GSG1L: variants seen among roughly 807,000 people sequenced by gnomAD.
GSG1L encodes GSG1 like, also known as germ cell-specific gene 1-like protein.
In GSG1L, 24 loss-of-function variants were observed where a neutral mutation model predicts 42.1. The observed-to-expected ratio is 0.57, with a 90% CI of 0.41 to 0.80. The LOEUF (loss-of-function observed/expected upper bound fraction) is 0.80. GSG1L is among the 30% of genes least tolerant of loss of function. The probability of loss-of-function intolerance (pLI) is 0.00; values close to 1 mark genes in which losing one functional copy is unlikely to be tolerated. For synonymous variants in GSG1L, 215 were observed against 203.5 expected, an observed-to-expected ratio of 1.06 and a Z score of -0.48; for missense variants, 445 against 472.2, an observed-to-expected ratio of 0.94 and a Z score of 0.53.
At chr16:27,991,008 G>C (rs954516435) in intron 1 of GSG1L, among the ~76,000 whole-genome samples, 2 of 152,182 alleles carry the variant, frequency 1.3e-5, no homozygotes, top group African/African-American at 4.8e-5. Context: ...CGCTAGTCTT[G>C]CTCCACCTTA....
At chr16:28,037,178 G>A (rs938876968) in intron 1 of GSG1L, among the ~76,000 whole-genome samples, 7 of 152,206 alleles carry the variant, frequency 4.6e-5, no homozygotes, top group East Asian at 1.9e-4. Context: ...GGCATGTGCC[G>A]CCATGCCTGG....
chr16:27,851,207 T>C (rs1268457797), intron 3 of GSG1L, among the ~76,000 whole-genome samples: 5 of 152,144 alleles, frequency 3.3e-5, no homozygotes, highest in Admixed American at 3.3e-4. Flanking sequence ...GTTTGTTTTT[T>C]GTTTTTTAAG....
intron 1 of GSG1L, among the ~76,000 whole-genome samples, chr16:28,033,988 A>G (rs2085998152): frequency 1.3e-5 from 2 of 152,308 alleles, no homozygotes; most frequent in South Asian, 2.1e-4. Context: ...ATCTCAGCCC[A>G]TCTTAGAGAT....
At chr16:28,037,024 T>C (rs2086047031) in intron 1 of GSG1L, among the ~76,000 whole-genome samples, 1 of 152,146 alleles carries the variant, frequency 6.6e-6, no homozygotes, top group Admixed American at 6.5e-5. Context: ...GTTGTTGTTG[T>C]TTTGGTTTTG....
intron 6 of GSG1L, among the ~76,000 whole-genome samples, chr16:27,798,647 C>T (rs1173805305): frequency 3.9e-5 from 6 of 152,126 alleles, no homozygotes. Context: ...CCCATGCACC[C>T]CAAGGGTTTC....
At chr16:27,968,605 G>A (rs964382583) in intron 1 of GSG1L, among the ~76,000 whole-genome samples, 2 of 151,872 alleles carry the variant, frequency 1.3e-5, no homozygotes, top group Non-Finnish European at 2.9e-5. Flanking sequence ...CATTTTCACA[G>A]GCCCAAGACC....
intron 2 of GSG1L, among the ~76,000 whole-genome samples, chr16:27,947,243 C>T (rs1359805652): frequency 6.6e-6 from 1 of 152,140 alleles, no homozygotes; most frequent in Admixed American, 6.6e-5. Flanking sequence ...CCTCCTGCCT[C>T]AGCCTCCCGA....
At chr16:27,907,392 G>A (rs2084332320) in intron 2 of GSG1L, among the ~76,000 whole-genome samples, 1 of 152,202 alleles carries the variant, frequency 6.6e-6, no homozygotes, top group Non-Finnish European at 1.5e-5. Flanking sequence ...TTTGAAATGA[G>A]TTTTCTTTCT....
chr16:27,895,856 C>T (rs756010986), intron 2 of GSG1L, among the ~76,000 whole-genome samples: 13 of 152,334 alleles, frequency 8.5e-5, no homozygotes, highest in Non-Finnish European at 1.9e-4. Flanking sequence ...GGTAGGGCAA[C>T]AGAGCACGTG....
At position 27,903,019 on chromosome 16, in the gene GSG1L, G is replaced by A. The variant is rs573396204; in HGVS notation, c.398-18381C>T. Among the ~76,000 whole-genome samples the A allele has an allele frequency of 5.3e-5, 8 of 152,236 alleles. No homozygotes were observed. In the East Asian group the frequency reaches 1.5e-3, roughly 29 times the overall value. Reference sequence around the variant, plus strand: ...AAGCAGTGGCGGCCAGGCGAGCCGAGTGACCAGAGGCTGCAGGGATCCAGA... The same window carrying A: ...AAGCAGTGGCGGCCAGGCGAGCCGAATGACCAGAGGCTGCAGGGATCCAGA... On this transcript the variant is annotated intron_variant, in intron 2 of 6. Transcript: ENST00000447459.
At chr16:27,927,020 C>T (rs1010724934) in intron 2 of GSG1L, among the ~76,000 whole-genome samples, 5 of 152,178 alleles carry the variant, frequency 3.3e-5, no homozygotes, top group Non-Finnish European at 5.9e-5. Flanking sequence ...TGGCCTCCCT[C>T]GACAACCCTC....
intron 4 of GSG1L, among the ~76,000 whole-genome samples, chr16:27,835,059 G>C (rs957577622): frequency 2.0e-5 from 3 of 151,946 alleles, no homozygotes; most frequent in Non-Finnish European, 2.9e-5. Flanking sequence ...TATATCCTTG[G>C]TGATTTTCCA....
At chr16:28,018,866 A>G (rs1428397896) in intron 1 of GSG1L, among the ~76,000 whole-genome samples, 1 of 152,076 alleles carries the variant, frequency 6.6e-6, no homozygotes, top group African/African-American at 2.4e-5. Context: ...ATTGCCTTTG[A>G]TCCCCAAGCC....
chr16:27,925,430 C>A (rs2084579898), intron 2 of GSG1L, among the ~76,000 whole-genome samples: 2 of 151,956 alleles, frequency 1.3e-5, no homozygotes, highest in African/African-American at 4.8e-5. Flanking sequence ...AGGTTGAGGA[C>A]AAATTGGGAG....
chr16:27,973,695 G>A (rs2085219875), intron 1 of GSG1L, among the ~76,000 whole-genome samples: 1 of 152,116 alleles, frequency 6.6e-6, no homozygotes, highest in Non-Finnish European at 1.5e-5. Flanking sequence ...CACTGCACGT[G>A]TAACATCAAT....
Position 27,791,007 on chromosome 16 carries a change from G to GCT in GSG1L, c.*361_*362dup, listed in dbSNP as rs2082744870. 1 of 196,176 alleles carries GCT rather than the reference G, an allele frequency of 5.1e-6. No individual in the cohort carries two copies. The highest frequency in any genetic ancestry group is 2.3e-5 in the African/African-American group (1 of 43,378). 12.2% of individuals were successfully genotyped at this position (196,176 alleles called of 1,614,324 possible). On this transcript the variant is annotated 3_prime_UTR_variant, in exon 7 of 7. Coordinates refer to ENST00000447459, the MANE Select transcript of GSG1L (RefSeq NM_001109763.2). ...GAAGCCACTCTCTGCCCCCCAAAGG[G>GCT]CTCTGCCCCTCTGGGCACCTGACTG...
At chr16:27,890,489 C>T (rs551842454) in intron 2 of GSG1L, among the ~76,000 whole-genome samples, 9 of 152,264 alleles carry the variant, frequency 5.9e-5, no homozygotes, top group African/African-American at 1.4e-4. Flanking sequence ...CAAAAGATGA[C>T]GGTGGCCTGG....
At chr16:27,995,619 C>A (rs1020828726) in intron 1 of GSG1L, among the ~76,000 whole-genome samples, 21 of 152,146 alleles carry the variant, frequency 1.4e-4, no homozygotes, top group African/African-American at 5.1e-4. Flanking sequence ...TAATTGTCTC[C>A]CCCAAGGTTA....
chr16:27,888,947 T>C (rs1240126815), intron 2 of GSG1L, among the ~76,000 whole-genome samples: 1 of 150,740 alleles, frequency 6.6e-6, no homozygotes, highest in African/African-American at 2.5e-5. Context: ...GATATAGATA[T>C]AGATATAGAT....
Sources: allele counts gnomAD v4.1 joint callset (sites outside exome capture counted in the v4.1 genomes callset), GRCh38; gene constraint gnomAD v4.1.1; transcripts MANE v1.5; gene names NCBI Gene and HGNC (gene_info 2026-07-23, HGNC 2026-07-21).